Variants in ZNF208 observed in about 807,000 individuals in gnomAD.
ZNF208 encodes the protein zinc finger protein 208.
ZNF208 carries 10 observed loss-of-function variants against 12.1 expected under a neutral mutation model. The ratio of observed to expected loss-of-function variants is 0.83; its 90% CI spans 0.51 to 1.40. The LOEUF is 1.40. Ranked by LOEUF, ZNF208 falls within the 40% of genes most tolerant of loss-of-function variation. The pLI is 0.00. For synonymous variants in ZNF208, 497 were observed against 488.4 expected, an observed-to-expected ratio of 1.02 and a Z score of -0.23; for missense variants, 1,652 against 1,485.0, an observed-to-expected ratio of 1.11 and a Z score of -1.85.
chr19:21,972,386 TG>T lies in ZNF208; in HGVS notation c.2647del (p.His883IlefsTer27). The T allele has an allele frequency of 6.2e-7, 1 of 1,612,610 alleles. No individual in the cohort carries two copies. The highest frequency in any genetic ancestry group is 1.1e-5 in the South Asian group (1 of 90,998). ...ACATTTGTAGGGTTTCTCTCCAGTA[TG>T]AATTTTCTTATGATAACTAAGGGTT... is the stretch of plus-strand genomic sequence containing the variant. ...PSTLSYHKKI[H>X]TGEKPYKCEE... On this transcript the variant is annotated frameshift_variant, in exon 4 of 4. Coordinates refer to ENST00000397126, the MANE Select transcript of ZNF208 (RefSeq NM_007153.3). LOFTEE classifies it low-confidence loss of function (END_TRUNC).
intron 1 of ZNF208, among the ~76,000 whole-genome samples, 161 bp from the exon 2 acceptor site, chr19:21,989,070 TTCTC>T (rs550212281): frequency 1.8e-4 from 27 of 149,704 alleles, no homozygotes; most frequent in Non-Finnish European, 3.7e-4. Flanking sequence ...CTCTAACATA[TTCTC>T]TCTCTTTTTT....
At chr19:21,953,641 A>G (rs1167464477) in intron 4 of ZNF208, among the ~76,000 whole-genome samples, 1 of 152,250 alleles carries the variant, frequency 6.6e-6, no homozygotes. Flanking sequence ...GGCCTGCCTT[A>G]CAAGAGCTCC....
At chr19:21,975,552 A>G (rs1970413407) in intron 3 of ZNF208, among the ~76,000 whole-genome samples, 2 of 152,178 alleles carry the variant, frequency 1.3e-5, no homozygotes, top group Non-Finnish European at 2.9e-5. Context: ...ATTTTGTGAC[A>G]GGTAGCCTTT....
rs150225897 is a variant in ZNF208 at position 21,983,148 on chromosome 19, A to G, written c.226+4068T>C. 6.2e-3 allele frequency among the ~76,000 whole-genome samples: 865 copies of G among 140,154 alleles called. 1 individual carries two copies. The highest frequency in any genetic ancestry group is 0.022 in the African/African-American group (808 of 36,984). The allele number at this position is 140,154 out of a possible 152,430, so 91.9% of individuals were successfully genotyped here. On this transcript the variant is annotated intron_variant, in intron 3 of 3. Coordinates refer to ENST00000397126, the MANE Select transcript of ZNF208 (RefSeq NM_007153.3). ...GGGCTAATATCCAGGATCTACAAAGAACTTAAACAAATTTACAAGAAAAAA... is the reference window on the plus strand; with the variant it reads ...GGGCTAATATCCAGGATCTACAAAGGACTTAAACAAATTTACAAGAAAAAA...
Position 21,972,537 on chromosome 19 carries a change from A to C in ZNF208, c.2497T>G (p.Tyr833Asp). The C allele has an allele frequency of 6.2e-7, 1 of 1,613,208 alleles. No homozygotes were observed. The highest frequency in any genetic ancestry group is 2.2e-5 in the East Asian group (1 of 44,782). The change falls in exon 4 of 4, where the codon TAC (tyrosine) becomes GAC (aspartate). Residue 833 changes from tyrosine (Y) to aspartate (D), a missense_variant. Tyr to Asp is a radical substitution (Grantham distance 160). Coordinates refer to ENST00000397126, the MANE Select transcript of ZNF208 (RefSeq NM_007153.3). Reference sequence around the variant, plus strand: ...GCTTTGCCACATTCTTTACATTTGTAGGGCTTTTCTCCAGCATGAATTGCC... The same window carrying C: ...GCTTTGCCACATTCTTTACATTTGTCGGGCTTTTCTCCAGCATGAATTGCC... ...HKAIHAGEKPYKCKECGKAFS... is the reference protein window; with the variant it reads ...HKAIHAGEKPDKCKECGKAFS...
In ZNF208 at chr19:21,971,280, G is replaced by T. The variant is rs777627214; in HGVS notation, c.3754C>A (p.Pro1252Thr). 1.9e-6 allele frequency: 3 copies of T among 1,612,014 alleles called. No homozygotes were observed. The highest frequency in any genetic ancestry group is 2.7e-5 in the African/African-American group (2 of 74,790). ...KHKVIHTGEK[P>T]YKCEECGKAF... is the part of the protein sequence containing the mutation. ...TTGCCACATTCTTCACATTTGTAGGGTTTCTCTCCAGTATGAATTACCTTA... is the reference window on the plus strand; with the variant it reads ...TTGCCACATTCTTCACATTTGTAGGTTTTCTCTCCAGTATGAATTACCTTA... The change falls in exon 4 of 4, where the codon CCC (proline) becomes ACC (threonine). Residue 1252 changes from proline (P) to threonine (T), a missense_variant. Around this residue, in one of 3 missense-constraint regions of ZNF208, gnomAD observed 1,239 missense variants for 1,086.2 expected, o/e 1.14. Coordinates refer to ENST00000397126, the MANE Select transcript of ZNF208 (RefSeq NM_007153.3).
In ZNF208 at chr19:21,969,382, T is replaced by C. The variant is rs1970236045; in HGVS notation, c.*1809A>G. On this transcript the variant is annotated 3_prime_UTR_variant, in exon 4 of 4. Coordinates refer to ENST00000397126, the MANE Select transcript of ZNF208 (RefSeq NM_007153.3). The stretch of plus-strand genomic sequence containing the variant: ...AAGTTATATACAAATAATTCTTCTT[T>C]TTGCCAACTTTAGTTTTGGATTTTT... 6.6e-6 allele frequency among the ~76,000 whole-genome samples: 1 copy of C among 152,188 alleles called. No homozygotes were observed. Among genetic ancestry groups the C allele is most frequent in the South Asian group, 2.1e-4 (1 of 4,834 alleles).
downstream of ZNF208, among the ~76,000 whole-genome samples, chr19:21,963,728 AT>A (rs1298854382): frequency 6.6e-6 from 1 of 152,044 alleles, no homozygotes; most frequent in African/African-American, 2.4e-5. Flanking sequence ...GCTGAAAAAA[AT>A]AAGTCTTCTC....
chr19:21,958,227 C>G (rs1286699194), intron 4 of ZNF208, among the ~76,000 whole-genome samples: 2 of 151,908 alleles, frequency 1.3e-5, no homozygotes, highest in Admixed American at 6.6e-5. Context: ...TCATACATTT[C>G]TCATGAACTT....
intron 1 of ZNF208, among the ~76,000 whole-genome samples, chr19:22,000,490 C>T (rs915833130): frequency 7.2e-5 from 11 of 152,020 alleles, no homozygotes; most frequent in Non-Finnish European, 1.0e-4. Context: ...AGGCAGAAAC[C>T]AAGAAGTGTT....
At chr19:22,006,441 CTGTTTAACAATTTAG>C (rs1351466322) in intron 1 of ZNF208, among the ~76,000 whole-genome samples, 9 of 151,968 alleles carry the variant, frequency 5.9e-5, no homozygotes, top group Non-Finnish European at 1.0e-4. Context: ...TAACAATTTA[CTGTTTAACAATTTAG>C]GGCTAGGGTT....
chr19:21,981,009 C>T (rs573641261), intron 3 of ZNF208, among the ~76,000 whole-genome samples: 6 of 152,166 alleles, frequency 3.9e-5, no homozygotes, highest in African/African-American at 1.4e-4. Flanking sequence ...AAGTCTAAAT[C>T]AGGAAGAAGT....
At chr19:21,958,573 G>A (rs553567925) in intron 4 of ZNF208, among the ~76,000 whole-genome samples, 6 of 152,230 alleles carry the variant, frequency 3.9e-5, no homozygotes, top group African/African-American at 1.2e-4. Context: ...ACCTTTTTAG[G>A]TGTTTCCTGC....
intron 3 of ZNF208, among the ~76,000 whole-genome samples, chr19:21,979,110 C>T (rs1005464035): frequency 6.6e-5 from 10 of 152,100 alleles, no homozygotes; most frequent in Admixed American, 2.6e-4. Flanking sequence ...AATTCGGGTA[C>T]GTGAAAGTGA....
At position 21,974,533 on chromosome 19, in the gene ZNF208, A is replaced by T; in HGVS notation, c.501T>A (p.His167Gln). The T allele has an allele frequency of 6.2e-7, 1 of 1,613,690 alleles. No individual in the cohort carries two copies. The highest frequency in any genetic ancestry group is 2.2e-5 in the East Asian group (1 of 44,840). ...CSNSNRHKIR[H>Q]TGKKHLQCKE... ...TACATTGCAAATGTTTCTTTCCAGT[A>T]TGCCTTATCTTATGTCTGTTTGAAT... The change falls in exon 4 of 4, where the codon CAT (histidine) becomes CAA (glutamine). Residue 167 changes from histidine to glutamine, a missense_variant. Physicochemically the swap from His to Gln is conservative, Grantham distance 24. Around this residue, in one of 3 missense-constraint regions of ZNF208, gnomAD observed 410 missense variants for 378.2 expected, o/e 1.08. Coordinates refer to ENST00000397126, the MANE Select transcript of ZNF208 (RefSeq NM_007153.3).
intron 1 of ZNF208, among the ~76,000 whole-genome samples, chr19:21,997,388 C>T (rs1056308836): frequency 6.6e-6 from 1 of 152,208 alleles, no homozygotes; most frequent in African/African-American, 2.4e-5. Flanking sequence ...ACCCCGGTGC[C>T]TACTGAAGGT....
In ZNF208 at chr19:21,976,182, T is replaced by A. The variant is rs116233783; in HGVS notation, c.227-1375A>T. Among the ~76,000 whole-genome samples the A allele has an allele frequency of 9.9e-3, 1,501 of 152,286 alleles. 10 individuals are homozygous for A. Among genetic ancestry groups the A allele is most frequent in the African/African-American group, 0.013 (543 of 41,558 alleles). On this transcript the variant is annotated intron_variant, in intron 3 of 3. Transcript: ENST00000397126. ...AGGAATTATTATAAACATCTGTTAA[T>A]GAATATACGACATAAATCAATAAAC...
chr19:22,001,233 C>T (rs1270874436), intron 1 of ZNF208, among the ~76,000 whole-genome samples: 7 of 152,062 alleles, frequency 4.6e-5, no homozygotes, highest in African/African-American at 1.2e-4. Flanking sequence ...TGCGGTGAGC[C>T]GAGATCGAGC....
rs529251917 is a variant in ZNF208, at chr19:21,989,081, TTTTC to T, written c.4-176_4-173del. 8.0e-3 allele frequency among the ~76,000 whole-genome samples: 1,173 copies of T among 146,768 alleles called. 20 individuals are homozygous for T. The highest frequency in any genetic ancestry group is 0.027 in the African/African-American group (1,069 of 39,906). Reference sequence around the variant, plus strand: ...TATTCTCTAACATATTCTCTCTCTTTTTTCTTTTTTTAATTATTATTATACTTCA... The same window carrying T: ...TATTCTCTAACATATTCTCTCTCTTTTTTTTTTAATTATTATTATACTTCA... On this transcript the variant is annotated intron_variant, in intron 1 of 3. Coordinates refer to ENST00000397126, the MANE Select transcript of ZNF208 (RefSeq NM_007153.3).
Sources: gnomAD v4.1 joint callset for allele counts (sites outside exome capture counted in the v4.1 genomes callset) on GRCh38, gnomAD v4.1.1 for gene constraint, gnomAD v4.1.1 regional missense constraint, MANE v1.5 for transcripts, NCBI Gene and HGNC (gene_info 2026-07-23, HGNC 2026-07-21) for gene names.